Variants in CFAP92 observed in about 807,000 individuals in gnomAD.
The protein encoded by CFAP92 is uncharacterized protein CFAP92.
Under a neutral mutation model 106.3 loss-of-function variants are expected in CFAP92, and 86 were observed. The ratio of observed to expected loss-of-function variants is 0.81; its 90% CI spans 0.68 to 0.97. CFAP92 has a LOEUF of 0.97. CFAP92 is among the 50% of genes least tolerant of loss of function. CFAP92 has a pLI of 0.00. For missense variants in CFAP92, 1,204 were observed against 1,283.8 expected (o/e 0.94, Z 0.95); for synonymous variants, 477 against 506.4 (o/e 0.94, Z 0.78).
chr3:129,003,368 C>G (rs950884066), upstream of CFAP92: 13 of 827,336 alleles, frequency 1.6e-5, no homozygotes, highest in Non-Finnish European at 1.9e-5. Context: ...AGAAACCACC[C>G]TCAAAAGCCT....
chr3:128,988,724 G>A lies in CFAP92; in HGVS notation c.453+4C>T, dbSNP rs978062322. 2.5e-6 allele frequency: 4 copies of A among 1,613,258 alleles called. No individual in the cohort carries two copies. Among genetic ancestry groups the A allele is most frequent in the Middle Eastern group, 1.7e-4 (1 of 6,060 alleles). On this transcript the variant is annotated splice_donor_region_variant and intron_variant, in intron 3 of 15. Coordinates refer to ENST00000645291, the MANE Select transcript of CFAP92 (RefSeq NM_001394090.1). Reference sequence around the variant, plus strand: ...CACAAGGCCACACACACTCACACACGCACCTTTACTCCTGACTCCAGGAAT... The same window carrying A: ...CACAAGGCCACACACACTCACACACACACCTTTACTCCTGACTCCAGGAAT...
intron 9 of CFAP92, among the ~76,000 whole-genome samples, chr3:128,953,636 CCTCTCCCCACG>C (rs1194332169): frequency 1.5e-5 from 2 of 133,278 alleles, no homozygotes; most frequent in African/African-American, 6.7e-5. Flanking sequence ...TCTCCGTCTC[CCTCTCCCCACG>C]GTCTCCCTCT....
At chr3:129,001,145 C>T (rs1450435073) in intron 1 of CFAP92, among the ~76,000 whole-genome samples, 4 of 152,234 alleles carry the variant, frequency 2.6e-5, no homozygotes, top group Non-Finnish European at 5.9e-5. Flanking sequence ...GGCACATCCC[C>T]AGCAACCGGA....
chr3:129,012,190 A>G, the CFAP92 span, among the ~76,000 whole-genome samples: 1 of 152,252 alleles, frequency 6.6e-6, no homozygotes, highest in Non-Finnish European at 1.5e-5. Flanking sequence ...CTTCAGCTCA[A>G]CTTGCTTGTG....
the CFAP92 span, among the ~76,000 whole-genome samples, chr3:129,026,743 A>G: frequency 6.6e-6 from 1 of 152,134 alleles, no homozygotes; most frequent in Non-Finnish European, 1.5e-5. Flanking sequence ...GTAGGGAGAT[A>G]CTGGCACCTC....
At position 128,971,359 on chromosome 3, in the gene CFAP92, C is replaced by G; in HGVS notation, c.1096G>C (p.Asp366His). ...HKKPLAEEEA[D>H]PTLTGPRKQS... Reference sequence around the variant, plus strand: ...TTCCTGGGGCCTGTCAGCGTGGGGTCTGCCTCTTCTTCTGCCAGGGGCTTC... The same window carrying G: ...TTCCTGGGGCCTGTCAGCGTGGGGTGTGCCTCTTCTTCTGCCAGGGGCTTC... Residue 366 changes from aspartate to histidine, a missense_variant, in exon 8 of 16, where the codon GAC becomes CAC. Asp to His is a moderately conservative substitution (Grantham distance 81). Transcript: ENST00000645291. 1 of 1,613,698 alleles carries G rather than the reference C, an allele frequency of 6.2e-7. No individual in the cohort carries two copies. Among genetic ancestry groups the G allele is most frequent in the Non-Finnish European group, 8.5e-7 (1 of 1,179,750 alleles).
At chr3:128,965,342 C>T (rs565541209) in intron 9 of CFAP92, among the ~76,000 whole-genome samples, 169 bp downstream of exon 9, 5 of 152,268 alleles carry the variant, frequency 3.3e-5, no homozygotes, top group African/African-American at 9.6e-5. Context: ...GTGAAATAAA[C>T]AGCCATGTTG....
intron 15 of CFAP92, 30 bp downstream of exon 15, chr3:128,915,089 G>T (rs1576370253): frequency 6.5e-7 from 1 of 1,530,308 alleles, no homozygotes; most frequent in African/African-American, 1.4e-5. Context: ...GGCATCAGGA[G>T]GCCCAGCTTG....
intron 9 of CFAP92, among the ~76,000 whole-genome samples, chr3:128,952,136 C>CTTT (rs35117405): frequency 4.0e-4 from 56 of 139,308 alleles, no homozygotes; most frequent in Non-Finnish European, 5.7e-4. Flanking sequence ...TCTTCTTCTT[C>CTTT]TTTTTTTTTT....
chr3:128,958,798 G>C (rs1177981843), intron 9 of CFAP92, among the ~76,000 whole-genome samples: 1 of 152,190 alleles, frequency 6.6e-6, no homozygotes, highest in Admixed American at 6.5e-5. Context: ...CTACTAGGGA[G>C]GCTAAGGCAG....
chr3:128,984,850 T>A (rs1342643533), intron 4 of CFAP92, among the ~76,000 whole-genome samples: 2 of 152,152 alleles, frequency 1.3e-5, no homozygotes, highest in African/African-American at 2.4e-5. Flanking sequence ...ATCCCCTTCA[T>A]AACATGAGGC....
intron 9 of CFAP92, among the ~76,000 whole-genome samples, chr3:128,963,344 G>A (rs544817523): frequency 4.0e-4 from 61 of 152,226 alleles, no homozygotes; most frequent in African/African-American, 1.3e-3. Flanking sequence ...TCATGTCTGC[G>A]TGCAGCGGCT....
intron 10 of CFAP92, 142 bp downstream of exon 10, chr3:128,944,929 C>G: frequency 1.3e-6 from 1 of 741,392 alleles, no homozygotes; most frequent in Non-Finnish European, 2.1e-6. Flanking sequence ...TGACTAAACC[C>G]TGGTAAGTAC....
intron 1 of CFAP92, 29 bp from the exon 2 acceptor site, chr3:128,993,365 C>T: frequency 1.3e-6 from 2 of 1,548,890 alleles, no homozygotes; most frequent in Non-Finnish European, 8.7e-7. Flanking sequence ...AGGCTGTCCC[C>T]GCCTGTATTC....
Position 128,916,106 on chromosome 3 carries a change from C to T in CFAP92, c.2916+1G>A, listed in dbSNP as rs1936795137. Reference sequence around the variant, plus strand: ...GCCATCATCCTGTCTGGGTCTCTCACCTTGGCTATCTCTTGATACAGCTCC... The same window carrying T: ...GCCATCATCCTGTCTGGGTCTCTCATCTTGGCTATCTCTTGATACAGCTCC... On this transcript the variant is annotated splice_donor_variant, in intron 13 of 15. Transcript: ENST00000645291. LOFTEE classifies it high-confidence loss of function. The T allele has an allele frequency of 8.1e-7, 1 of 1,232,182 alleles. No individual in the cohort carries two copies. The highest frequency in any genetic ancestry group is 4.2e-5 in the Admixed American group (1 of 23,714). 76.3% of individuals were successfully genotyped at this position (1,232,182 alleles called of 1,614,324 possible).
chr3:128,912,764 T>G, intron 15 of CFAP92: 1 of 776,132 alleles, frequency 1.3e-6, no homozygotes, highest in Non-Finnish European at 2.3e-6. Flanking sequence ...TGGGAGAGCC[T>G]CTTCCAGGTT....
the CFAP92 span, among the ~76,000 whole-genome samples, chr3:129,008,332 A>G: frequency 6.6e-6 from 1 of 152,170 alleles, no homozygotes; most frequent in Non-Finnish European, 1.5e-5. Context: ...TAATCCCTCC[A>G]TGGGCGTTTC....
At chr3:129,021,069 T>C in the CFAP92 span, among the ~76,000 whole-genome samples, 1 of 152,134 alleles carries the variant, frequency 6.6e-6, no homozygotes, top group African/African-American at 2.4e-5. Flanking sequence ...TTTGCCTCAG[T>C]GACTGGAAGG....
chr3:129,003,562 G>A (rs1347558109), upstream of CFAP92, among the ~76,000 whole-genome samples: 1 of 151,852 alleles, frequency 6.6e-6, no homozygotes, highest in African/African-American at 2.4e-5. Flanking sequence ...AAAACGTTGG[G>A]GGGTGGGGGA....
Sources: allele counts gnomAD v4.1 joint callset (sites outside exome capture counted in the v4.1 genomes callset), GRCh38; gene constraint gnomAD v4.1.1; transcripts MANE v1.5; gene names NCBI Gene and HGNC (gene_info 2026-07-23, HGNC 2026-07-21).